TENM3: variants seen among roughly 807,000 people sequenced by gnomAD.
TENM3 encodes teneurin-3.
In TENM3, 63 loss-of-function variants were observed where a neutral mutation model predicts 255.1. The observed-to-expected ratio is 0.25, with a 90% CI of 0.20 to 0.30. The LOEUF is 0.30. Ranked by LOEUF, TENM3 falls within the 10% of genes least tolerant of loss-of-function variation. The probability of loss-of-function intolerance (pLI) is 1.00; values close to 1 mark genes in which losing one functional copy is unlikely to be tolerated. For missense variants in TENM3, 2,929 were observed against 3,461.1 expected (o/e 0.85, Z 3.86); for synonymous variants, 1,306 against 1,322.3 (o/e 0.99, Z 0.27).
intron 3 of TENM3, among the ~76,000 whole-genome samples, chr4:182,445,170 C>T (rs1266953219): frequency 6.6e-6 from 1 of 152,208 alleles, no homozygotes; most frequent in African/African-American, 2.4e-5. Context: ...GGTTAAGCGG[C>T]AGGCTCCTGA....
At chr4:181,948,453 T>C in the TENM3 span, among the ~76,000 whole-genome samples, 1 of 152,168 alleles carries the variant, frequency 6.6e-6, no homozygotes, top group Admixed American at 6.5e-5. Context: ...TCTGGCTCTG[T>C]CACCCAGGCT....
At chr4:182,161,854 T>TATGTGTGTATATATACACAC (rs1751325672) in intron 1 of TENM3, among the ~76,000 whole-genome samples, 3 of 31,376 alleles carry the variant, frequency 9.6e-5, no homozygotes, top group African/African-American at 2.8e-4. Context: ...TATACACAAA[T>TATGTGTGTATATATACACAC]ATATATGTGT....
chr4:181,555,187 A>G, the TENM3 span, among the ~76,000 whole-genome samples: 2 of 152,208 alleles, frequency 1.3e-5, no homozygotes, highest in African/African-American at 4.8e-5. Context: ...TTTCATCCTC[A>G]TAACCATGAA....
intron 3 of TENM3, among the ~76,000 whole-genome samples, chr4:182,446,272 C>T (rs1489713552): frequency 6.6e-6 from 1 of 152,136 alleles, no homozygotes; most frequent in South Asian, 2.1e-4. Context: ...AAAGGTGGAA[C>T]TAGATATACA....
At chr4:182,283,981 A>G (rs1338059766) in intron 1 of TENM3, among the ~76,000 whole-genome samples, 2 of 152,192 alleles carry the variant, frequency 1.3e-5, no homozygotes, top group Non-Finnish European at 2.9e-5. Flanking sequence ...AGAGAGGTGC[A>G]TTACCTCAAC....
the TENM3 span, among the ~76,000 whole-genome samples, chr4:181,823,082 A>G: frequency 1.3e-5 from 2 of 152,186 alleles, no homozygotes; most frequent in Non-Finnish European, 2.9e-5. Context: ...CTTGCAGGTG[A>G]TATTCAGAGT....
the TENM3 span, among the ~76,000 whole-genome samples, chr4:181,710,884 A>C: frequency 6.6e-6 from 1 of 150,522 alleles, no homozygotes; most frequent in Non-Finnish European, 1.5e-5. Flanking sequence ...AAAAAAGGAA[A>C]AAAAGAAAAA....
chr4:181,586,424 A>G, the TENM3 span, among the ~76,000 whole-genome samples: 5 of 152,206 alleles, frequency 3.3e-5, no homozygotes, highest in African/African-American at 7.2e-5. Context: ...CAACTAGACA[A>G]TGAGTCCAAG....
chr4:182,241,125 C>T (rs945645884), upstream of TENM3, among the ~76,000 whole-genome samples: 1 of 152,200 alleles, frequency 6.6e-6, no homozygotes. Flanking sequence ...GCTGAAATTT[C>T]ATTCCTTGCA....
At chr4:181,912,386 A>G in the TENM3 span, among the ~76,000 whole-genome samples, 5 of 152,316 alleles carry the variant, frequency 3.3e-5, no homozygotes, top group Admixed American at 3.3e-4. Context: ...GATACATGTG[A>G]TATGAGTCAA....
intron 3 of TENM3, among the ~76,000 whole-genome samples, chr4:182,445,812 G>C: frequency 6.6e-6 from 1 of 152,146 alleles, no homozygotes; most frequent in African/African-American, 2.4e-5. Flanking sequence ...CAATATATTT[G>C]ATAGTGTCTG....
chr4:182,409,711 A>G (rs1769841047), intron 3 of TENM3, among the ~76,000 whole-genome samples: 1 of 152,234 alleles, frequency 6.6e-6, no homozygotes, highest in South Asian at 2.1e-4. Context: ...CAATGCCATA[A>G]TGAGAATATT....
Position 182,574,151 on chromosome 4 carries a change from A to G in TENM3, c.512-26773A>G, listed in dbSNP as rs953448375. On this transcript the variant is annotated intron_variant, in intron 3 of 27. Coordinates refer to ENST00000511685, the MANE Select transcript of TENM3 (RefSeq NM_001080477.4). ...ACTCTCATAATTTTTTATTACAACA[A>G]ACTTGGAAATTTCGTTTGGTTATGT... is the stretch of plus-strand genomic sequence containing the variant. Among the ~76,000 whole-genome samples, 3 of 152,220 alleles carry G rather than the reference A, an allele frequency of 2.0e-5. No individual in the cohort carries two copies. In the East Asian group the frequency reaches 5.8e-4, roughly 29 times the overall value.
At chr4:182,526,772 A>G (rs28699088) in intron 3 of TENM3, among the ~76,000 whole-genome samples, 11,591 of 152,250 alleles carry the variant, frequency 0.076, 544 homozygotes, top group East Asian at 0.11. Flanking sequence ...CGGATTTAGC[A>G]TGGTAGTACA....
chr4:182,694,915 G>A (rs1757283804), intron 12 of TENM3, among the ~76,000 whole-genome samples: 1 of 152,134 alleles, frequency 6.6e-6, no homozygotes, highest in African/African-American at 2.4e-5. Flanking sequence ...TACTTTAATT[G>A]TTAAATTAAA....
chr4:182,560,803 A>G (rs1214102284), intron 3 of TENM3, among the ~76,000 whole-genome samples: 1 of 152,228 alleles, frequency 6.6e-6, no homozygotes, highest in East Asian at 1.9e-4. Flanking sequence ...AGAAGGGGAA[A>G]AGAAAATACT....
Position 182,161,839 on chromosome 4 carries a change from G to GTA in TENM3, c.-76+17092_-76+17093dup, listed in dbSNP as rs70954293. Among the ~76,000 whole-genome samples, 24 of 17,230 alleles carry GTA rather than the reference G, an allele frequency of 1.4e-3. 8 individuals carry two copies. Among genetic ancestry groups the GTA allele is most frequent in the Admixed American group, 8.5e-3 (9 of 1,062 alleles). 11.3% of individuals were successfully genotyped at this position (17,230 alleles called of 152,430 possible). A position where few individuals can be genotyped will look rare whatever the true frequency, so the allele number is the denominator to read the frequency against. ...TGTATATATATACACATATATATGT[G>GTA]TATATATACACAAATATATATGTGT... On this transcript the variant is annotated intron_variant, in intron 1 of 2. Coordinates refer to the TENM3 transcript ENST00000512480.
the TENM3 span, among the ~76,000 whole-genome samples, chr4:181,735,686 C>T: frequency 1.3e-5 from 2 of 152,038 alleles, no homozygotes. Context: ...ATAGATTTTA[C>T]ACAGCACTAA....
the TENM3 span, among the ~76,000 whole-genome samples, chr4:182,007,939 C>T: frequency 6.6e-6 from 1 of 152,134 alleles, no homozygotes; most frequent in South Asian, 2.1e-4. Context: ...AATCCCCCAG[C>T]ATTTGCCTGT....
Sources: allele counts gnomAD v4.1 joint callset (sites outside exome capture counted in the v4.1 genomes callset), GRCh38; gene constraint gnomAD v4.1.1; transcripts MANE v1.5; gene names NCBI Gene and HGNC (gene_info 2026-07-23, HGNC 2026-07-21).